The following GNA14 variants were observed in gnomAD, a reference collection of about 807,000 sequenced individuals.
The protein encoded by GNA14 is guanine nucleotide-binding protein subunit alpha-14.
GNA14 carries 50 observed loss-of-function variants against 42.0 expected under a neutral mutation model. The observed-to-expected ratio is 1.19, with a 90% CI of 0.95 to 1.51. The LOEUF is 1.51. GNA14 is among the 40% of genes most tolerant of loss of function. The pLI is 0.00. For synonymous variants in GNA14, 173 were observed against 163.1 expected, an observed-to-expected ratio of 1.06 and a Z score of -0.46; for missense variants, 473 against 446.2, an observed-to-expected ratio of 1.06 and a Z score of -0.54.
chr9:77,432,070 C>A (rs1417442287), intron 3 of GNA14, among the ~76,000 whole-genome samples: 5 of 143,296 alleles, frequency 3.5e-5, no homozygotes, highest in African/African-American at 1.1e-4. Context: ...GAGCTTAAAA[C>A]ATATTTTTTT....
At chr9:77,570,814 G>A (rs1823047985) in intron 1 of GNA14, among the ~76,000 whole-genome samples, 1 of 152,188 alleles carries the variant, frequency 6.6e-6, no homozygotes, top group Non-Finnish European at 1.5e-5. Flanking sequence ...AATTACCACA[G>A]TGTTTTCTAA....
intron 3 of GNA14, among the ~76,000 whole-genome samples, chr9:77,432,952 AT>A (rs1321211010): frequency 6.6e-6 from 1 of 152,032 alleles, no homozygotes; most frequent in Non-Finnish European, 1.5e-5. Context: ...CCACCTCTCT[AT>A]GCTGATCTAA....
intron 2 of GNA14, among the ~76,000 whole-genome samples, chr9:77,465,469 A>C (rs1426232246): frequency 6.6e-6 from 1 of 152,166 alleles, no homozygotes; most frequent in Non-Finnish European, 1.5e-5. Flanking sequence ...TTCATATACA[A>C]GTTTTTGTGC....
chr9:77,479,745 C>G (rs1362361610), intron 2 of GNA14, among the ~76,000 whole-genome samples: 2 of 152,096 alleles, frequency 1.3e-5, no homozygotes, highest in Non-Finnish European at 2.9e-5. Flanking sequence ...GTTTGTGGTT[C>G]TCCTTGAAGA....
chr9:77,602,707 G>GTT (rs927316032), intron 1 of GNA14, among the ~76,000 whole-genome samples: 4 of 147,812 alleles, frequency 2.7e-5, no homozygotes, highest in Non-Finnish European at 4.5e-5. Context: ...TAATGGTTTT[G>GTT]TTTTTTTTTT....
intron 1 of GNA14, among the ~76,000 whole-genome samples, chr9:77,536,640 G>A (rs1005447619): frequency 4.1e-4 from 62 of 152,136 alleles, no homozygotes; most frequent in Admixed American, 9.8e-4. Context: ...GTAAGACACC[G>A]TGCCCTGCCT....
chr9:77,453,261 G>A (rs1256851631), intron 2 of GNA14, among the ~76,000 whole-genome samples: 1 of 152,198 alleles, frequency 6.6e-6, no homozygotes, highest in African/African-American at 2.4e-5. Context: ...CAGCACATCT[G>A]CTAGTGCCTT....
chr9:77,546,701 CAA>C (rs1377793874), intron 1 of GNA14, among the ~76,000 whole-genome samples: 1 of 151,946 alleles, frequency 6.6e-6, no homozygotes, highest in Non-Finnish European at 1.5e-5. Context: ...TACTGGTAGC[CAA>C]AAAAAGTTCC....
chr9:77,647,687 A>C lies in GNA14; in HGVS notation c.107T>G (p.Leu36Arg). The C allele has an allele frequency of 1.9e-6, 3 of 1,610,490 alleles. No individual in the cohort carries two copies. Among genetic ancestry groups the C allele is most frequent in the Non-Finnish European group, 2.5e-6 (3 of 1,178,792 alleles). ...CCACTCACCCAGCAGCAGCAGCTTA[A>C]GCTCACGGCGCGCGTCCTTCTTGTC... Reference protein sequence around the residue: ...RRDKKDARRELKLLLLGTGES... With the variant: ...RRDKKDARRERKLLLLGTGES... The change falls in exon 1 of 7, where the codon CTT (leucine) becomes CGT (arginine). Residue 36 changes from leucine (L) to arginine (R), a missense_variant. Physicochemically the swap from Leu to Arg is moderately radical, Grantham distance 102. Coordinates refer to ENST00000341700, the MANE Select transcript of GNA14 (RefSeq NM_004297.4).
chr9:77,528,311 T>C (rs969367730), intron 2 of GNA14, among the ~76,000 whole-genome samples: 1 of 152,192 alleles, frequency 6.6e-6, no homozygotes, highest in East Asian at 1.9e-4. Context: ...TGTCATGTTG[T>C]AATTTGGTAT....
chr9:77,429,320 C>T (rs117567159), intron 4 of GNA14, among the ~76,000 whole-genome samples: 1 of 152,130 alleles, frequency 6.6e-6, no homozygotes, highest in Non-Finnish European at 1.5e-5. Context: ...AGTGTCCAGA[C>T]AGAAAACGCA....
At chr9:77,572,462 T>C (rs1014291398) in intron 1 of GNA14, among the ~76,000 whole-genome samples, 5 of 152,218 alleles carry the variant, frequency 3.3e-5, no homozygotes, top group African/African-American at 9.6e-5. Context: ...CATAGTTTTA[T>C]AGAATACATA....
At chr9:77,455,846 G>C (rs73456140) in intron 2 of GNA14, among the ~76,000 whole-genome samples, 4,112 of 152,240 alleles carry the variant, frequency 0.027, 201 homozygotes, top group African/African-American at 0.093. Context: ...AAGTAACTGA[G>C]TAGAAGTTTA....
chr9:77,443,293 C>A (rs1230949210), intron 2 of GNA14, among the ~76,000 whole-genome samples: 2 of 152,104 alleles, frequency 1.3e-5, no homozygotes, highest in Non-Finnish European at 2.9e-5. Context: ...AAAAGCATAT[C>A]TAGAATATTT....
chr9:77,561,668 C>T (rs1327138712), intron 1 of GNA14, among the ~76,000 whole-genome samples: 1 of 152,138 alleles, frequency 6.6e-6, no homozygotes, highest in East Asian at 1.9e-4. Context: ...TGAGTTGCTC[C>T]TTGGAATGAC....
At chr9:77,500,515 T>C (rs751154680) in intron 2 of GNA14, among the ~76,000 whole-genome samples, 17 of 152,188 alleles carry the variant, frequency 1.1e-4, no homozygotes, top group Non-Finnish European at 2.4e-4. Context: ...AACCAGGACA[T>C]TGACATGAGT....
intron 2 of GNA14, among the ~76,000 whole-genome samples, chr9:77,435,026 A>G (rs1835620802): frequency 6.7e-6 from 1 of 149,130 alleles, no homozygotes; most frequent in Admixed American, 6.8e-5. Flanking sequence ...ACTTATCATC[A>G]GTCTGGGATT....
intron 1 of GNA14, among the ~76,000 whole-genome samples, chr9:77,633,667 A>T (rs1824134227): frequency 6.6e-6 from 1 of 151,742 alleles, no homozygotes; most frequent in Non-Finnish European, 1.5e-5. Flanking sequence ...AAGCGGGCAC[A>T]GCAGATATTT....
intron 1 of GNA14, among the ~76,000 whole-genome samples, chr9:77,595,859 C>T (rs143404852): frequency 7.9e-5 from 12 of 152,188 alleles, no homozygotes; most frequent in African/African-American, 2.9e-4. Context: ...AAAACAAGCA[C>T]CTCTTCATGG....
Sources: allele counts gnomAD v4.1 joint callset (sites outside exome capture counted in the v4.1 genomes callset), GRCh38; gene constraint gnomAD v4.1.1; transcripts MANE v1.5; gene names NCBI Gene and HGNC (gene_info 2026-07-23, HGNC 2026-07-21).